MAML3: variants seen among roughly 807,000 people sequenced by gnomAD.
The protein encoded by MAML3 is mastermind like transcriptional coactivator 3, also known as mastermind-like protein 3.
MAML3 carries 27 observed loss-of-function variants against 101.9 expected under a neutral mutation model. That is an observed-to-expected ratio of 0.27 (90% CI 0.20 to 0.37). MAML3 has a LOEUF of 0.37. Ranked by LOEUF, MAML3 falls within the 10% of genes least tolerant of loss-of-function variation. The pLI, the probability that MAML3 is intolerant of heterozygous loss-of-function variation, is 1.00. For synonymous variants in MAML3, 501 were observed against 555.9 expected, an observed-to-expected ratio of 0.90 and a Z score of 1.39; for missense variants, 1,316 against 1,444.9, an observed-to-expected ratio of 0.91 and a Z score of 1.45.
At position 139,994,682 on chromosome 4, in the gene MAML3, T is replaced by G. The variant is rs116045306; in HGVS notation, c.469-103715A>C. On this transcript the variant is annotated intron_variant, in intron 1 of 4. Coordinates refer to ENST00000509479, the MANE Select transcript of MAML3 (RefSeq NM_018717.5). Reference sequence around the variant, plus strand: ...CTCTAAATTAAATGAATGAATTAATTAATTAATAGAAATGGAACGTTTTTG... The same window carrying G: ...CTCTAAATTAAATGAATGAATTAATGAATTAATAGAAATGGAACGTTTTTG... Among the ~76,000 whole-genome samples the G allele has an allele frequency of 2.6e-3, 399 of 152,258 alleles. 2 individuals are homozygous for G. The highest frequency in any genetic ancestry group is 9.0e-3 in the African/African-American group (376 of 41,552).
Position 139,954,185 on chromosome 4 carries a change from A to G in MAML3, c.469-63218T>C, listed in dbSNP as rs192646365. Among the ~76,000 whole-genome samples the G allele has an allele frequency of 5.3e-5, 8 of 152,298 alleles. No individual in the cohort carries two copies. In the East Asian group the frequency reaches 1.4e-3, roughly 26 times the overall value. The stretch of plus-strand genomic sequence containing the variant: ...ATTTTATATCCTTAGAATACAGACA[A>G]TGAGATTTACGACCTAGGAAACTCA... On this transcript the variant is annotated intron_variant, in intron 1 of 4. Coordinates refer to ENST00000509479, the MANE Select transcript of MAML3 (RefSeq NM_018717.5).
rs1729219701 is a variant in MAML3, at chr4:140,153,694, A to C, written c.-367T>G. Reference sequence around the variant, plus strand: ...TTTTATAATCCATTATTTTCTAATAAATTCCAGGAGATTTCCGGTGGTTGG... The same window carrying C: ...TTTTATAATCCATTATTTTCTAATACATTCCAGGAGATTTCCGGTGGTTGG... On this transcript the variant is annotated 5_prime_UTR_variant, in exon 1 of 5. The change creates a new upstream start codon in the 5' untranslated region. Coordinates refer to ENST00000509479, the MANE Select transcript of MAML3 (RefSeq NM_018717.5). 4.7e-6 allele frequency: 1 copy of C among 212,682 alleles called. No individual in the cohort carries two copies. Among genetic ancestry groups the C allele is most frequent in the African/African-American group, 2.3e-5 (1 of 43,116 alleles). The allele number at this position is 212,682 out of a possible 1,614,324, so 13.2% of individuals were successfully genotyped here.
intron 1 of MAML3, among the ~76,000 whole-genome samples, chr4:140,046,264 G>A (rs982277159): frequency 1.3e-5 from 2 of 152,144 alleles, no homozygotes; most frequent in African/African-American, 4.8e-5. Flanking sequence ...CTCCTTCAGC[G>A]TAACCACTAG....
At chr4:139,826,121 C>T (rs928661896) in intron 2 of MAML3, among the ~76,000 whole-genome samples, 3 of 151,692 alleles carry the variant, frequency 2.0e-5, no homozygotes, top group Non-Finnish European at 4.4e-5. Context: ...GAAGCTTTTT[C>T]CTTCGCACGT....
chr4:140,113,458 T>C (rs1728470537), intron 1 of MAML3, among the ~76,000 whole-genome samples: 1 of 152,176 alleles, frequency 6.6e-6, no homozygotes, highest in Admixed American at 6.5e-5. Flanking sequence ...TTCCACCTTC[T>C]TGTCATGGAC....
chr4:140,126,266 T>C (rs756652118), intron 1 of MAML3, among the ~76,000 whole-genome samples: 9 of 151,392 alleles, frequency 5.9e-5, no homozygotes, highest in Non-Finnish European at 1.2e-4. Context: ...CCCTCTTAAA[T>C]GTGAGGTCTC....
chr4:139,864,692 A>G lies in MAML3; in HGVS notation c.2079+24665T>C, dbSNP rs1051361499. 2.9e-4 allele frequency among the ~76,000 whole-genome samples: 44 copies of G among 150,246 alleles called. 1 individual carries two copies. The highest frequency in any genetic ancestry group is 1.9e-4 in the East Asian group (1 of 5,166). ...TCCGTCTCAAAAAAAAAAAAAAAAAAAAAAAAAGAAAAAGAAATCTTGAAT... is the reference window on the plus strand; with the variant it reads ...TCCGTCTCAAAAAAAAAAAAAAAAAGAAAAAAAGAAAAAGAAATCTTGAAT... On this transcript the variant is annotated intron_variant, in intron 2 of 4. Coordinates refer to ENST00000509479, the MANE Select transcript of MAML3 (RefSeq NM_018717.5).
intron 4 of MAML3, among the ~76,000 whole-genome samples, chr4:139,724,460 CCTT>C (rs533533094): frequency 1.6e-3 from 243 of 152,240 alleles, no homozygotes; most frequent in African/African-American, 5.4e-3. Context: ...AAAAATGCTA[CCTT>C]AGATCAGAAA....
At chr4:140,022,997 T>C (rs1344262512) in intron 1 of MAML3, among the ~76,000 whole-genome samples, 1 of 152,224 alleles carries the variant, frequency 6.6e-6, no homozygotes, top group Non-Finnish European at 1.5e-5. Flanking sequence ...CATGGTCAAA[T>C]AAATCTGAGA....
intron 1 of MAML3, chr4:140,134,519 G>A: frequency 2.7e-6 from 1 of 368,260 alleles, no homozygotes; most frequent in South Asian, 2.1e-5. Context: ...GATTAAAAAT[G>A]TAAAAACTAA....
At chr4:139,905,010 T>G (rs1020156286) in intron 1 of MAML3, among the ~76,000 whole-genome samples, 11 of 152,336 alleles carry the variant, frequency 7.2e-5, no homozygotes, top group African/African-American at 2.6e-4. Flanking sequence ...ATGTAGCACC[T>G]GACTGTGGTT....
At chr4:140,039,910 G>A (rs1281608891) in intron 1 of MAML3, among the ~76,000 whole-genome samples, 1 of 152,176 alleles carries the variant, frequency 6.6e-6, no homozygotes, top group Non-Finnish European at 1.5e-5. Flanking sequence ...CACGCAGGAA[G>A]TTCAAAGGCC....
chr4:140,048,495 C>T (rs988032016), intron 1 of MAML3, among the ~76,000 whole-genome samples: 17 of 152,152 alleles, frequency 1.1e-4, no homozygotes, highest in Non-Finnish European at 5.9e-5. Context: ...AGGTTTATTA[C>T]CAAAGATAGC....
intron 1 of MAML3, among the ~76,000 whole-genome samples, chr4:139,996,302 G>GTTCAA (rs1734811871): frequency 4.6e-5 from 7 of 152,268 alleles, no homozygotes; most frequent in Non-Finnish European, 8.8e-5. Context: ...CTATAGCATT[G>GTTCAA]GTGATTAGAG....
At chr4:140,085,920 T>C (rs1457227484) in intron 1 of MAML3, among the ~76,000 whole-genome samples, 2 of 152,230 alleles carry the variant, frequency 1.3e-5, no homozygotes, top group African/African-American at 2.4e-5. Context: ...TCTTGGCCTC[T>C]ATCATTTTTG....
At chr4:139,794,323 T>C (rs1011891685) in intron 2 of MAML3, 2 of 152,152 alleles carry the variant, frequency 1.3e-5, no homozygotes, top group Non-Finnish European at 2.9e-5. Flanking sequence ...GAAGGCCACA[T>C]GTGGGAAGGT....
intron 2 of MAML3, among the ~76,000 whole-genome samples, chr4:139,843,553 A>G (rs1731397072): frequency 6.6e-6 from 1 of 152,232 alleles, no homozygotes; most frequent in Non-Finnish European, 1.5e-5. Flanking sequence ...AACATTCATA[A>G]TAAGTTAATC....
chr4:139,722,114 A>C (rs1220985860), intron 4 of MAML3, among the ~76,000 whole-genome samples: 2 of 152,188 alleles, frequency 1.3e-5, no homozygotes, highest in Admixed American at 6.5e-5. Context: ...AAAGGACTAG[A>C]TACTGTCTGG....
chr4:139,855,543 A>C (rs1160277374), intron 2 of MAML3, among the ~76,000 whole-genome samples: 1 of 152,228 alleles, frequency 6.6e-6, no homozygotes. Context: ...CATATTTCCA[A>C]AGCATTTCAG....
Sources: gnomAD v4.1 joint callset for allele counts (sites outside exome capture counted in the v4.1 genomes callset) on GRCh38, gnomAD v4.1.1 for gene constraint, MANE v1.5 for transcripts, NCBI Gene and HGNC (gene_info 2026-07-23, HGNC 2026-07-21) for gene names.